The following CDH4 variants were observed in gnomAD, a reference collection of about 807,000 sequenced individuals.
The protein encoded by CDH4 is cadherin 4, also known as cadherin-4.
CDH4 carries 33 observed loss-of-function variants against 86.0 expected under a neutral mutation model. The observed-to-expected ratio is 0.38, with a 90% CI of 0.29 to 0.51. The LOEUF is 0.51. CDH4 is among the 20% of genes least tolerant of loss of function. The pLI, the probability that CDH4 is intolerant of heterozygous loss-of-function variation, is 0.86. For missense variants in CDH4, 1,114 were observed against 1,307.4 expected (o/e 0.85, Z 2.28); for synonymous variants, 555 against 549.4 (o/e 1.01, Z -0.14).
intron 2 of CDH4, among the ~76,000 whole-genome samples, chr20:61,263,600 C>A (rs2084139912): frequency 6.6e-6 from 1 of 152,246 alleles, no homozygotes; most frequent in Non-Finnish European, 1.5e-5. Context: ...ATCTCCCACA[C>A]TGCCTTTTCC....
At position 61,325,428 on chromosome 20, in the gene CDH4, AT is replaced by A. The variant is rs367752217; in HGVS notation, c.169+70500del. ...AGATAGTAGGGCCTTGAAATTTCTC[AT>A]TTTTTTTTCTGATAAAGGGCAAAAA... On this transcript the variant is annotated intron_variant, in intron 2 of 15. Coordinates refer to ENST00000614565, the MANE Select transcript of CDH4 (RefSeq NM_001794.5). 9.6e-3 allele frequency among the ~76,000 whole-genome samples: 1,438 copies of A among 150,380 alleles called. 22 individuals are homozygous for A. The highest frequency in any genetic ancestry group is 0.033 in the African/African-American group (1,353 of 40,960).
intron 2 of CDH4, among the ~76,000 whole-genome samples, chr20:61,395,726 G>A (rs1315366273): frequency 2.6e-5 from 4 of 152,220 alleles, no homozygotes; most frequent in African/African-American, 9.6e-5. Context: ...ACTGCAGTGA[G>A]CCAAGATGGC....
chr20:61,922,964 C>T (rs1568889855), intron 9 of CDH4, among the ~76,000 whole-genome samples: 1 of 152,212 alleles, frequency 6.6e-6, no homozygotes, highest in Non-Finnish European at 1.5e-5. Context: ...CTTACATGTA[C>T]AAAGACGCTA....
At chr20:61,898,269 G>A (rs1182096275) in intron 8 of CDH4, among the ~76,000 whole-genome samples, 1 of 152,270 alleles carries the variant, frequency 6.6e-6, no homozygotes, top group Non-Finnish European at 1.5e-5. Context: ...AGAAGCTACA[G>A]AGATGCAGGG....
chr20:61,388,298 A>T (rs2084963193), intron 2 of CDH4, among the ~76,000 whole-genome samples: 1 of 151,528 alleles, frequency 6.6e-6, no homozygotes, highest in South Asian at 2.1e-4. Flanking sequence ...TGTGGGGTTG[A>T]CCCCCGTCTC....
intron 2 of CDH4, among the ~76,000 whole-genome samples, chr20:61,313,355 A>T (rs2084458140): frequency 6.6e-6 from 1 of 152,172 alleles, no homozygotes; most frequent in Non-Finnish European, 1.5e-5. Flanking sequence ...GTGGGGAAGT[A>T]GGTGCGAGCA....
intron 2 of CDH4, among the ~76,000 whole-genome samples, chr20:61,543,647 G>A (rs1465765229): frequency 6.6e-6 from 1 of 152,192 alleles, no homozygotes; most frequent in Non-Finnish European, 1.5e-5. Flanking sequence ...CTGAGACAAG[G>A]GCTGAGGTTT....
At chr20:61,580,377 AC>A (rs2086416497) in intron 2 of CDH4, among the ~76,000 whole-genome samples, 1 of 152,072 alleles carries the variant, frequency 6.6e-6, no homozygotes, top group Non-Finnish European at 1.5e-5. Flanking sequence ...ATTGCTGGCC[AC>A]CCGGGAGGTG....
At chr20:61,536,153 C>T (rs1041487593) in intron 2 of CDH4, among the ~76,000 whole-genome samples, 6 of 152,210 alleles carry the variant, frequency 3.9e-5, no homozygotes, top group African/African-American at 1.2e-4. Context: ...CCCAAACCAG[C>T]CGCAGGGAAG....
At chr20:61,266,710 G>C (rs2084159944) in intron 2 of CDH4, among the ~76,000 whole-genome samples, 1 of 151,938 alleles carries the variant, frequency 6.6e-6, no homozygotes, top group Non-Finnish European at 1.5e-5. Flanking sequence ...AGAGGGGTAA[G>C]ATGTCCAACT....
chr20:61,316,863 C>T lies in CDH4; in HGVS notation c.169+61926C>T, dbSNP rs72629013. ...ATTTGTACAGCATGATAGTCACAGC[C>T]GAGAAGCAGGGCTGGGTGGGGAGGC... On this transcript the variant is annotated intron_variant, in intron 2 of 15. Coordinates refer to ENST00000614565, the MANE Select transcript of CDH4 (RefSeq NM_001794.5). 7.1e-3 allele frequency among the ~76,000 whole-genome samples: 1,080 copies of T among 152,232 alleles called. 53 individuals carry two copies. In the East Asian group the frequency reaches 0.14, roughly 20 times the overall value.
chr20:61,702,479 C>G (rs2087787354), intron 2 of CDH4, among the ~76,000 whole-genome samples: 1 of 152,204 alleles, frequency 6.6e-6, no homozygotes, highest in Non-Finnish European at 1.5e-5. Context: ...AAGTCACTAG[C>G]CTAGGTGCAG....
chr20:61,371,518 G>A (rs1297231852), intron 2 of CDH4, among the ~76,000 whole-genome samples: 1 of 152,252 alleles, frequency 6.6e-6, no homozygotes, highest in Admixed American at 6.5e-5. Flanking sequence ...TAGGTGGACT[G>A]TCTGGTTATT....
At chr20:61,853,017 G>A (rs956715702) in intron 6 of CDH4, 119 bp downstream of exon 6, 3 of 1,052,666 alleles carry the variant, frequency 2.8e-6, no homozygotes, top group African/African-American at 1.6e-5. Flanking sequence ...ACGGGACTTG[G>A]GCGCAGACAC....
chr20:61,502,234 G>A (rs1483771790), intron 2 of CDH4, among the ~76,000 whole-genome samples: 6 of 152,170 alleles, frequency 3.9e-5, no homozygotes, highest in African/African-American at 1.4e-4. Flanking sequence ...AGAACACAGA[G>A]TTTCAATGTG....
At chr20:61,647,184 T>A (rs2087070168) in intron 2 of CDH4, among the ~76,000 whole-genome samples, 1 of 152,130 alleles carries the variant, frequency 6.6e-6, no homozygotes, top group South Asian at 2.1e-4. Context: ...CCAAGCAGGT[T>A]CCCTTGGGTT....
intron 2 of CDH4, among the ~76,000 whole-genome samples, chr20:61,733,963 C>T (rs2088229200): frequency 6.6e-6 from 1 of 152,256 alleles, no homozygotes; most frequent in African/African-American, 2.4e-5. Flanking sequence ...CAGCAGGCTC[C>T]TGCCGCAGAG....
chr20:61,422,728 A>G (rs1472075945), intron 2 of CDH4, among the ~76,000 whole-genome samples: 3 of 152,136 alleles, frequency 2.0e-5, no homozygotes, highest in Non-Finnish European at 4.4e-5. Context: ...ATCTGGCCTC[A>G]GGAGGCTTCT....
At chr20:61,817,646 C>T (rs1443002097) in intron 4 of CDH4, among the ~76,000 whole-genome samples, 2 of 152,126 alleles carry the variant, frequency 1.3e-5, no homozygotes, top group African/African-American at 2.4e-5. Flanking sequence ...GTGAGTGCCC[C>T]GAGGTCACAG....
Sources: allele counts gnomAD v4.1 joint callset (sites outside exome capture counted in the v4.1 genomes callset), GRCh38; gene constraint gnomAD v4.1.1; transcripts MANE v1.5; gene names NCBI Gene and HGNC (gene_info 2026-07-23, HGNC 2026-07-21).